The following COL4A6 variants were observed in gnomAD, a reference collection of about 807,000 sequenced individuals.
COL4A6 encodes the protein collagen alpha-6(IV) chain.
Under a neutral mutation model 126.7 loss-of-function variants are expected in COL4A6, and 59 were observed. That is an observed-to-expected ratio of 0.47 (90% CI 0.38 to 0.58). The LOEUF (loss-of-function observed/expected upper bound fraction) is 0.58. Among genes scored for constraint, COL4A6 ranks in the 20% least tolerant of loss-of-function variants. The pLI is 0.00. For synonymous variants in COL4A6, 547 were observed against 496.6 expected, an observed-to-expected ratio of 1.10 and a Z score of -1.35; for missense variants, 1,285 against 1,337.3, an observed-to-expected ratio of 0.96 and a Z score of 0.61.
At chrX:108,360,498 T>C (rs1011292374) in intron 2 of COL4A6, among the ~76,000 whole-genome samples, 1 of 109,731 alleles carries the variant, frequency 9.1e-6, no homozygotes, top group Non-Finnish European at 1.9e-5. Flanking sequence ...GCGATTAGTA[T>C]AGTCAGGGCA....
chrX:108,288,432 A>G (rs952527152), intron 3 of COL4A6, among the ~76,000 whole-genome samples: 9 of 111,392 alleles, frequency 8.1e-5, no homozygotes, highest in African/African-American at 2.3e-4. Flanking sequence ...TTCCAATTGG[A>G]CAGAAATTTA....
At chrX:108,256,668 G>A (rs2037014657) in intron 3 of COL4A6, among the ~76,000 whole-genome samples, 2 of 110,925 alleles carry the variant, frequency 1.8e-5, no homozygotes, top group South Asian at 7.8e-4. Flanking sequence ...CATCATTTGG[G>A]AGCTTGTTAA....
intron 2 of COL4A6, among the ~76,000 whole-genome samples, chrX:108,390,786 G>C (rs186172168): frequency 2.7e-5 from 3 of 110,683 alleles, no homozygotes; most frequent in Non-Finnish European, 3.8e-5. Flanking sequence ...GCGAGGCATT[G>C]TGATCCTTTG....
intron 3 of COL4A6, among the ~76,000 whole-genome samples, chrX:108,264,124 T>C (rs1602955979): frequency 9.0e-6 from 1 of 111,643 alleles, no homozygotes; most frequent in South Asian, 3.8e-4. Flanking sequence ...CAGGACACTG[T>C]TCTGAAGTAG....
chrX:108,385,816 C>A (rs2040675029), intron 2 of COL4A6, among the ~76,000 whole-genome samples: 1 of 110,703 alleles, frequency 9.0e-6, no homozygotes, highest in African/African-American at 3.3e-5. Flanking sequence ...TTGCTGCACC[C>A]ATCAACCCCT....
chrX:108,192,059 T>C (rs2035060212), intron 18 of COL4A6, among the ~76,000 whole-genome samples: 1 of 111,838 alleles, frequency 8.9e-6, no homozygotes, highest in African/African-American at 3.3e-5. Context: ...CCTGGGACCA[T>C]TCAGTGCCTG....
chrX:108,320,902 G>C (rs1444682945), intron 2 of COL4A6, among the ~76,000 whole-genome samples: 1 of 111,760 alleles, frequency 8.9e-6, no homozygotes, highest in Non-Finnish European at 1.9e-5. Context: ...ACATAGACAC[G>C]TATGCAACAT....
At chrX:108,259,839 T>G (rs2037112798) in intron 3 of COL4A6, among the ~76,000 whole-genome samples, 1 of 111,171 alleles carries the variant, frequency 9.0e-6, no homozygotes, top group Non-Finnish European at 1.9e-5. Flanking sequence ...ACGTCCAAAC[T>G]CAGCAGGAAA....
chrX:108,409,991 A>AT (rs1175307964), intron 2 of COL4A6, among the ~76,000 whole-genome samples: 1 of 111,579 alleles, frequency 9.0e-6, no homozygotes, highest in African/African-American at 3.3e-5. Flanking sequence ...CAGGAAAGAG[A>AT]TCCCCGGGAA....
At chrX:108,294,016 C>T (rs998841806) in intron 3 of COL4A6, among the ~76,000 whole-genome samples, 1 of 112,295 alleles carries the variant, frequency 8.9e-6, no homozygotes, top group Admixed American at 9.4e-5. Context: ...CTCACTGATG[C>T]TACCAAAATA....
Position 108,174,510 on chromosome X carries a change from C to T in COL4A6, c.3068G>A (p.Gly1023Glu), listed in dbSNP as rs1197860775. The change falls in exon 31 of 45, where the codon GGA (glycine) becomes GAA (glutamate). Residue 1023 changes from glycine to glutamate, a missense_variant. Transcript: ENST00000334504. ...SGKPGPPGFM[G>E]IRGLPGLKGS... ...CTTCAGGCCAGGTAAGCCCCGGATTCCCATGAAGCCAGGGGGCCCTGGCTT... is the reference window on the plus strand; with the variant it reads ...CTTCAGGCCAGGTAAGCCCCGGATTTCCATGAAGCCAGGGGGCCCTGGCTT... 3.3e-6 allele frequency: 4 copies of T among 1,208,962 alleles called. No individual in the cohort carries two copies. In the African/African-American group the frequency reaches 7.0e-5, roughly 21 times the overall value.
intron 2 of COL4A6, among the ~76,000 whole-genome samples, chrX:108,368,261 G>A (rs1603174771): frequency 9.0e-6 from 1 of 110,604 alleles, no homozygotes. Flanking sequence ...AGTGAATTCT[G>A]CAGGCAATTA....
chrX:108,244,593 T>C (rs1294255888), intron 3 of COL4A6, among the ~76,000 whole-genome samples: 1 of 111,549 alleles, frequency 9.0e-6, no homozygotes, highest in African/African-American at 3.3e-5. Flanking sequence ...GAATCTTCAA[T>C]GGAAAAGGGC....
chrX:108,359,544 T>C (rs946006755), intron 2 of COL4A6, among the ~76,000 whole-genome samples: 1 of 112,667 alleles, frequency 8.9e-6, no homozygotes, highest in Non-Finnish European at 1.9e-5. Context: ...TCATTTCTTC[T>C]TAAAATTAAA....
At chrX:108,352,614 G>A (rs1461932983) in intron 2 of COL4A6, among the ~76,000 whole-genome samples, 1 of 112,428 alleles carries the variant, frequency 8.9e-6, no homozygotes, top group Non-Finnish European at 1.9e-5. Flanking sequence ...TAAAGCTACA[G>A]CATAAACCTA....
At chrX:108,294,320 T>C (rs769277193) in intron 3 of COL4A6, among the ~76,000 whole-genome samples, 195 of 110,953 alleles carry the variant, frequency 1.8e-3, no homozygotes, top group African/African-American at 6.2e-3. Flanking sequence ...GGGTAACAAA[T>C]TAAGGTTTTA....
chrX:108,313,876 A>G (rs1160638860), intron 2 of COL4A6, among the ~76,000 whole-genome samples: 1 of 111,635 alleles, frequency 9.0e-6, no homozygotes, highest in African/African-American at 3.3e-5. Flanking sequence ...TGATTCAAGT[A>G]TCATGAATGC....
intron 3 of COL4A6, among the ~76,000 whole-genome samples, chrX:108,303,666 A>C (rs759542851): frequency 9.0e-6 from 1 of 111,726 alleles, no homozygotes; most frequent in Non-Finnish European, 1.9e-5. Flanking sequence ...ACTCCTAGGC[A>C]AGGCAGGGAA....
At chrX:108,210,060 C>T in intron 7 of COL4A6, 56 bp from the exon 8 acceptor site, 1 of 1,118,250 alleles carries the variant, frequency 8.9e-7, no homozygotes, top group East Asian at 3.0e-5. Flanking sequence ...TGCAATATTT[C>T]AGATAACTAA....
Sources: gnomAD v4.1 joint callset for allele counts (sites outside exome capture counted in the v4.1 genomes callset) on GRCh38, gnomAD v4.1.1 for gene constraint, MANE v1.5 for transcripts, NCBI Gene and HGNC (gene_info 2026-07-23, HGNC 2026-07-21) for gene names.